STK32B: variants seen among roughly 807,000 people sequenced by gnomAD.
STK32B encodes serine/threonine-protein kinase 32B.
A neutral mutation model predicts 52.6 loss-of-function variants in STK32B; 43 were observed. The ratio of observed to expected loss-of-function variants is 0.82; its 90% CI spans 0.64 to 1.05. STK32B has a LOEUF of 1.05. Ranked by LOEUF, STK32B falls within the 50% of genes least tolerant of loss-of-function variation. The pLI is 0.00. For synonymous variants in STK32B, 238 were observed against 204.3 expected, an observed-to-expected ratio of 1.17 and a Z score of -1.41; for missense variants, 621 against 534.6, an observed-to-expected ratio of 1.16 and a Z score of -1.59.
chr4:5,052,689 T>A (rs1741837275), intron 1 of STK32B, among the ~76,000 whole-genome samples: 1 of 152,210 alleles, frequency 6.6e-6, no homozygotes, highest in Non-Finnish European at 1.5e-5. Flanking sequence ...ATAGGGTTGT[T>A]TGAAGCTTAA....
intron 3 of STK32B, among the ~76,000 whole-genome samples, chr4:5,262,482 G>T (rs7695245): frequency 0.091 from 13,720 of 151,602 alleles, 1,692 homozygotes; most frequent in African/African-American, 0.28. Flanking sequence ...AAAATTAGCC[G>T]GCCGTGGTGG....
At chr4:5,141,692 A>G (rs905091631) in intron 2 of STK32B, among the ~76,000 whole-genome samples, 1 of 152,064 alleles carries the variant, frequency 6.6e-6, no homozygotes, top group African/African-American at 2.4e-5. Flanking sequence ...GTGGTGAGAA[A>G]TAGTCAGATT....
intron 3 of STK32B, among the ~76,000 whole-genome samples, chr4:5,176,428 C>G (rs905496871): frequency 7.2e-6 from 1 of 138,806 alleles, no homozygotes; most frequent in Admixed American, 7.7e-5. Flanking sequence ...TGTTCCTATT[C>G]GGCCATCATC....
At chr4:5,201,422 G>A (rs1403794324) in intron 3 of STK32B, among the ~76,000 whole-genome samples, 2 of 152,162 alleles carry the variant, frequency 1.3e-5, no homozygotes, top group Non-Finnish European at 2.9e-5. Flanking sequence ...CCAGCTCAGC[G>A]TCTTGCTTCA....
At chr4:5,449,400 A>G (rs2109127675) in intron 7 of STK32B, among the ~76,000 whole-genome samples, 1 of 152,292 alleles carries the variant, frequency 6.6e-6, no homozygotes, top group South Asian at 2.1e-4. Context: ...TTAAAGTTGG[A>G]ATGCATTGAA....
At chr4:5,258,266 G>A (rs1393927716) in intron 3 of STK32B, among the ~76,000 whole-genome samples, 1 of 152,210 alleles carries the variant, frequency 6.6e-6, no homozygotes, top group African/African-American at 2.4e-5. Flanking sequence ...CTGGGTTCAA[G>A]CCCCAGTGTG....
chr4:5,221,219 G>T (rs991740967), intron 3 of STK32B, among the ~76,000 whole-genome samples: 1 of 152,086 alleles, frequency 6.6e-6, no homozygotes, highest in Admixed American at 6.5e-5. Context: ...TCCACTTCTG[G>T]AAGGCGGTAA....
At chr4:5,205,820 C>A (rs1356074991) in intron 3 of STK32B, among the ~76,000 whole-genome samples, 1 of 151,912 alleles carries the variant, frequency 6.6e-6, no homozygotes, top group East Asian at 1.9e-4. Flanking sequence ...TCTGTTCTTG[C>A]CTTGGGGGAA....
At chr4:5,247,864 T>C (rs1043085466) in intron 3 of STK32B, among the ~76,000 whole-genome samples, 2 of 152,206 alleles carry the variant, frequency 1.3e-5, no homozygotes, top group African/African-American at 4.8e-5. Flanking sequence ...GCTCTAAGAA[T>C]GCCTGGCTTT....
intron 5 of STK32B, among the ~76,000 whole-genome samples, chr4:5,404,675 T>C (rs1560385468): frequency 6.6e-6 from 1 of 151,832 alleles, no homozygotes; most frequent in African/African-American, 2.4e-5. Flanking sequence ...ATCATCCCAC[T>C]CAGGCGTGTT....
At chr4:5,074,009 T>C (rs556085914) in intron 1 of STK32B, among the ~76,000 whole-genome samples, 10 of 152,160 alleles carry the variant, frequency 6.6e-5, no homozygotes, top group African/African-American at 1.9e-4. Flanking sequence ...TAAATCAAAT[T>C]GGAAGACTTT....
At chr4:5,179,222 A>G (rs1720161810) in intron 3 of STK32B, among the ~76,000 whole-genome samples, 1 of 152,220 alleles carries the variant, frequency 6.6e-6, no homozygotes, top group South Asian at 2.1e-4. Context: ...TAAAACCATC[A>G]GGTCTTGTGA....
In STK32B at chr4:5,273,990, A is replaced by AT. The variant is rs1288126622; in HGVS notation, c.261-57229dup. Reference sequence around the variant, plus strand: ...CATGTACCCTAAAACTTAAAGTATAATAAAAAAAAAGAAACAAAAAAACAA... The same window carrying AT: ...CATGTACCCTAAAACTTAAAGTATAATTAAAAAAAAAGAAACAAAAAAACAA... On this transcript the variant is annotated intron_variant, in intron 3 of 11. Coordinates refer to ENST00000282908, the MANE Select transcript of STK32B (RefSeq NM_018401.3). 2.7e-5 allele frequency among the ~76,000 whole-genome samples: 4 copies of AT among 150,472 alleles called. No individual in the cohort carries two copies. In the East Asian group the frequency reaches 7.8e-4, roughly 29 times the overall value.
At chr4:5,262,161 C>A (rs1042412808) in intron 3 of STK32B, among the ~76,000 whole-genome samples, 7 of 152,160 alleles carry the variant, frequency 4.6e-5, no homozygotes, top group African/African-American at 1.7e-4. Context: ...TAACTGGACT[C>A]TCTTGGAGCC....
chr4:5,245,589 T>C (rs951910864), intron 3 of STK32B, among the ~76,000 whole-genome samples: 5 of 152,300 alleles, frequency 3.3e-5, no homozygotes, highest in African/African-American at 1.2e-4. Flanking sequence ...GTTAATATTG[T>C]TATGTGTGAA....
In STK32B at chr4:5,133,823, C is replaced by T. The variant is rs555480998; in HGVS notation, c.53-6082C>T. Among the ~76,000 whole-genome samples, 47 of 152,238 alleles carry T rather than the reference C, an allele frequency of 3.1e-4. 1 individual carries two copies. In the South Asian group the frequency reaches 9.1e-3, roughly 30 times the overall value. On this transcript the variant is annotated intron_variant, in intron 1 of 11. Transcript: ENST00000282908. ...TGTTTACTGAGTTGCCCTTTTGCTA[C>T]GTCACTGTCTATGGCCGTCATCCTG...
the STK32B span, among the ~76,000 whole-genome samples, chr4:5,026,461 A>C: frequency 2.0e-5 from 3 of 152,204 alleles, no homozygotes; most frequent in African/African-American, 7.2e-5. Flanking sequence ...GGCAGGAGAG[A>C]GAATAAGAAC....
At chr4:5,260,253 T>C (rs1021429223) in intron 3 of STK32B, among the ~76,000 whole-genome samples, 3 of 152,178 alleles carry the variant, frequency 2.0e-5, no homozygotes, top group Non-Finnish European at 1.5e-5. Context: ...CCTTAACAAA[T>C]GTCCATTAAT....
At chr4:5,143,101 C>CTCTGTGTGTCTG (rs1716610470) in intron 2 of STK32B, among the ~76,000 whole-genome samples, 1 of 135,568 alleles carries the variant, frequency 7.4e-6, no homozygotes, top group Non-Finnish European at 1.6e-5. Context: ...CTGTCTCTGT[C>CTCTGTGTGTCTG]TCTGTCTGTC....
Sources: allele counts gnomAD v4.1 joint callset (sites outside exome capture counted in the v4.1 genomes callset), GRCh38; gene constraint gnomAD v4.1.1; transcripts MANE v1.5; gene names NCBI Gene and HGNC (gene_info 2026-07-23, HGNC 2026-07-21).